LTBP1: variants seen among roughly 807,000 people sequenced by gnomAD.
LTBP1 encodes latent transforming growth factor beta binding protein 1.
LTBP1 carries 129 observed loss-of-function variants against 207.6 expected under a neutral mutation model. The observed-to-expected ratio is 0.62, with a 90% confidence interval of 0.54 to 0.72. LTBP1 has a LOEUF of 0.72. Among genes scored for constraint, LTBP1 ranks in the 30% least tolerant of loss-of-function variants. The probability of loss-of-function intolerance (pLI) is 0.00; values close to 1 mark genes in which losing one functional copy is unlikely to be tolerated. For synonymous variants in LTBP1, 963 were observed against 833.7 expected (o/e 1.16, Z -2.67); for missense variants, 2,281 against 2,217.2 (o/e 1.03, Z -0.58).
At chr2:33,192,209 C>T (rs981263060) in intron 7 of LTBP1, among the ~76,000 whole-genome samples, 3 of 152,152 alleles carry the variant, frequency 2.0e-5, no homozygotes, top group Admixed American at 1.3e-4. Context: ...AAATCTGAGG[C>T]ATAGTGCAGT....
At chr2:33,040,143 G>C (rs1489227705) in intron 3 of LTBP1, among the ~76,000 whole-genome samples, 1 of 152,178 alleles carries the variant, frequency 6.6e-6, no homozygotes, top group Non-Finnish European at 1.5e-5. Context: ...AGGGTAAGCA[G>C]TGGTTTGAGA....
chr2:33,224,849 T>C (rs533598774), intron 9 of LTBP1, among the ~76,000 whole-genome samples: 4 of 152,288 alleles, frequency 2.6e-5, no homozygotes, highest in South Asian at 4.1e-4. Context: ...TACCAATTTT[T>C]CCCCCAAAGA....
intron 3 of LTBP1, among the ~76,000 whole-genome samples, chr2:33,082,838 G>A (rs1289970402): frequency 6.6e-6 from 1 of 152,092 alleles, no homozygotes; most frequent in Non-Finnish European, 1.5e-5. Context: ...CTTGTGTCCT[G>A]GTCCTGGGAT....
chr2:33,276,567 G>T (rs138195336), intron 18 of LTBP1, among the ~76,000 whole-genome samples: 16 of 152,316 alleles, frequency 1.1e-4, no homozygotes, highest in Admixed American at 1.0e-3. Context: ...CCAATGTAGT[G>T]AGGCCAGGCA....
Position 33,282,083 on chromosome 2 carries a change from AT to A in LTBP1, c.3112+1926del, listed in dbSNP as rs1480664647. Reference sequence around the variant, plus strand: ...TGTGCATATATATATATATATATATATATATAAACTTTAGTGATAGAAGCAC... The same window carrying A: ...TGTGCATATATATATATATATATATAATATAAACTTTAGTGATAGAAGCAC... On this transcript the variant is annotated intron_variant, in intron 19 of 33. Transcript: ENST00000404816. Among the ~76,000 whole-genome samples, 114 of 149,624 alleles carry A rather than the reference AT, an allele frequency of 7.6e-4. 2 individuals are homozygous for A. Among genetic ancestry groups the A allele is most frequent in the African/African-American group, 2.5e-3 (102 of 41,182 alleles).
At chr2:33,102,315 T>G (rs1457750634) in intron 3 of LTBP1, among the ~76,000 whole-genome samples, 1 of 152,176 alleles carries the variant, frequency 6.6e-6, no homozygotes, top group Non-Finnish European at 1.5e-5. Context: ...GGATACTTAG[T>G]GTCATCCCTG....
chr2:33,055,896 A>G (rs1189146282), intron 3 of LTBP1, among the ~76,000 whole-genome samples: 4 of 152,104 alleles, frequency 2.6e-5, no homozygotes, highest in African/African-American at 9.7e-5. Flanking sequence ...CCTTCTGGGC[A>G]GGGGAGATGA....
intron 2 of LTBP1, among the ~76,000 whole-genome samples, chr2:32,956,241 C>T (rs1242630417): frequency 6.6e-6 from 1 of 152,160 alleles, no homozygotes; most frequent in East Asian, 1.9e-4. Context: ...TTGACTCTTC[C>T]TTTCGTGAAA....
rs566505284 is a variant in LTBP1 at position 33,218,676 on chromosome 2, C to T, written c.1804+1022C>T. ...CTTCCCAAAGTGCTGGGATTACAGG[C>T]GTGAGCCACTGCGCCTGGCCATAAA... On this transcript the variant is annotated intron_variant, in intron 8 of 33. Transcript: ENST00000404816. Among the ~76,000 whole-genome samples the T allele has an allele frequency of 9.3e-4, 141 of 152,266 alleles. 1 individual carries two copies. Among genetic ancestry groups the T allele is most frequent in the African/African-American group, 3.2e-3 (135 of 41,554 alleles).
chr2:32,990,569 T>C (rs1684251914), intron 2 of LTBP1, among the ~76,000 whole-genome samples: 1 of 152,236 alleles, frequency 6.6e-6, no homozygotes, highest in Non-Finnish European at 1.5e-5. Flanking sequence ...TCAGAGTGAC[T>C]GTACCTGGGT....
chr2:33,050,154 C>CT lies in LTBP1; in HGVS notation c.863+28962dup, dbSNP rs11318614. ...CATTTTTTTTTTTTTCTTTTCTTTT[C>CT]TTTTTTTTTTTTTTCCCTAGAACGG... On this transcript the variant is annotated intron_variant, in intron 3 of 33. Coordinates refer to ENST00000404816, the MANE Select transcript of LTBP1 (RefSeq NM_206943.4). Among the ~76,000 whole-genome samples the CT allele has an allele frequency of 2.9e-4, 36 of 126,266 alleles. 1 individual carries two copies. The highest frequency in any genetic ancestry group is 8.1e-4 in the African/African-American group (28 of 34,534). The allele number at this position is 126,266 out of a possible 152,430, so 82.8% of individuals were successfully genotyped here.
intron 19 of LTBP1, among the ~76,000 whole-genome samples, chr2:33,283,529 C>G (rs953076774): frequency 4.7e-5 from 7 of 148,820 alleles, no homozygotes; most frequent in African/African-American, 1.2e-4. Context: ...CTCCACCTCC[C>G]GGATTCACGC....
At chr2:33,217,512 C>T (rs1445112606) in intron 7 of LTBP1, 40 bp from the exon 8 acceptor site, 2 of 1,421,642 alleles carry the variant, frequency 1.4e-6, no homozygotes, top group Admixed American at 1.7e-5. Flanking sequence ...GGGCATCCTG[C>T]ACTCAATTAA....
At chr2:32,973,712 C>T (rs1489421325) in intron 2 of LTBP1, among the ~76,000 whole-genome samples, 1 of 151,968 alleles carries the variant, frequency 6.6e-6, no homozygotes, top group Admixed American at 6.6e-5. Flanking sequence ...TTTTTGTACC[C>T]CTGAACCATC....
chr2:33,327,368 T>C (rs889598860), intron 24 of LTBP1, among the ~76,000 whole-genome samples: 7 of 152,354 alleles, frequency 4.6e-5, no homozygotes, highest in East Asian at 3.9e-4. Context: ...AATGCTGTTA[T>C]ACTTCTAAGA....
intron 5 of LTBP1, among the ~76,000 whole-genome samples, chr2:33,139,713 A>G (rs2082487113): frequency 6.6e-6 from 1 of 152,150 alleles, no homozygotes; most frequent in Non-Finnish European, 1.5e-5. Context: ...TGCATGGGGG[A>G]GTAGAGGGAA....
chr2:33,226,112 T>C (rs192443101), intron 9 of LTBP1, among the ~76,000 whole-genome samples: 54 of 152,370 alleles, frequency 3.5e-4, no homozygotes, highest in Admixed American at 3.3e-3. Flanking sequence ...TTGCTTAATA[T>C]GCAAATACTT....
At position 33,383,189 on chromosome 2, in the gene LTBP1, A is replaced by T. The variant is rs544323648; in HGVS notation, c.4712-5995A>T. ...GCCAACATACTGAAACCCCGTCTCT[A>T]CTAAAAATATAAAATTAGCCGGGCA... On this transcript the variant is annotated intron_variant, in intron 31 of 33. Transcript: ENST00000404816. 8.5e-5 allele frequency among the ~76,000 whole-genome samples: 13 copies of T among 152,324 alleles called. No individual in the cohort carries two copies. In the East Asian group the frequency reaches 2.5e-3, roughly 29 times the overall value.
intron 9 of LTBP1, among the ~76,000 whole-genome samples, chr2:33,230,753 G>C (rs1387469283): frequency 1.3e-5 from 2 of 152,128 alleles, no homozygotes; most frequent in African/African-American, 4.8e-5. Flanking sequence ...AATAGAATTT[G>C]GTTCTGAAAG....
Sources: gnomAD v4.1 joint callset for allele counts (sites outside exome capture counted in the v4.1 genomes callset) on GRCh38, gnomAD v4.1.1 for gene constraint, MANE v1.5 for transcripts, NCBI Gene and HGNC (gene_info 2026-07-23, HGNC 2026-07-21) for gene names.